The following MOGAT2 variants were observed in gnomAD, a reference collection of about 807,000 sequenced individuals.
MOGAT2 encodes the protein 2-acylglycerol O-acyltransferase 2.
A neutral mutation model predicts 31.5 loss-of-function variants in MOGAT2; 27 were observed. That is an observed-to-expected ratio of 0.86 (90% confidence interval 0.63 to 1.18). The LOEUF is 1.18. Ranked by LOEUF, MOGAT2 falls within the 50% of genes most tolerant of loss-of-function variation. The pLI, the probability that MOGAT2 is intolerant of heterozygous loss-of-function variation, is 0.00. For synonymous variants in MOGAT2, 163 were observed against 170.0 expected (o/e 0.96, Z 0.32); for missense variants, 436 against 433.2 (o/e 1.01, Z -0.06).
At position 75,728,895 on chromosome 11, in the gene MOGAT2, G is replaced by A. The variant is rs1311123983; in HGVS notation, c.756G>A (p.Lys252=). Residue 252 remains lysine (K), a synonymous_variant, in exon 5 of 6, where the codon AAG becomes AAA. Coordinates refer to ENST00000198801, the MANE Select transcript of MOGAT2 (RefSeq NM_025098.4). ...GCTATATCCAGAATCGGTTGCAGAAGATCATGGGCATCTCCCTCCCACTCT... is the reference window on the plus strand; with the variant it reads ...GCTATATCCAGAATCGGTTGCAGAAAATCATGGGCATCTCCCTCCCACTCT... ...WLRYIQNRLQ[K]IMGISLPLFH... is the part of the protein sequence containing the mutation. 2 of 1,614,212 alleles carry A rather than the reference G, an allele frequency of 1.2e-6. No individual in the cohort carries two copies. The highest frequency in any genetic ancestry group is 1.7e-6 in the Non-Finnish European group (2 of 1,180,040).
chr11:75,722,475 TC>T (rs1272740656), intron 2 of MOGAT2, among the ~76,000 whole-genome samples: 1 of 151,964 alleles, frequency 6.6e-6, no homozygotes, highest in African/African-American at 2.4e-5. Flanking sequence ...TTGAGCTGAA[TC>T]CCAAGCTCAC....
At chr11:75,729,746 T>TG (rs1475317483) in intron 5 of MOGAT2, among the ~76,000 whole-genome samples, 4 of 138,552 alleles carry the variant, frequency 2.9e-5, no homozygotes, top group Non-Finnish European at 4.6e-5. Flanking sequence ...AATTCTTTTT[T>TG]TTTTTTGTTT....
At chr11:75,723,436 A>G (rs1278562171) in intron 2 of MOGAT2, among the ~76,000 whole-genome samples, 2 of 151,880 alleles carry the variant, frequency 1.3e-5, no homozygotes, top group African/African-American at 4.8e-5. Flanking sequence ...CGCTCTTTCC[A>G]TAGACCCTCC....
chr11:75,722,873 T>C (rs996542317), intron 2 of MOGAT2, among the ~76,000 whole-genome samples: 10 of 152,386 alleles, frequency 6.6e-5, no homozygotes, highest in East Asian at 3.8e-4. Context: ...GAGGAGGATA[T>C]CTCAACCTTA....
chr11:75,721,505 A>T lies in MOGAT2; in HGVS notation c.270+1335A>T, dbSNP rs1944376295. Among the ~76,000 whole-genome samples, 3 of 151,846 alleles carry T rather than the reference A, an allele frequency of 2.0e-5. No individual in the cohort carries two copies. In the South Asian group the frequency reaches 6.3e-4, roughly 32 times the overall value. On this transcript the variant is annotated intron_variant, in intron 2 of 5. Coordinates refer to ENST00000198801, the MANE Select transcript of MOGAT2 (RefSeq NM_025098.4). The stretch of plus-strand genomic sequence containing the variant: ...TCCATGTTGGTCAGGCTGGTCTCGA[A>T]CTCCCGACCTTAGGTGATCTGCCCA...
chr11:75,719,159 T>C (rs1042576205), intron 1 of MOGAT2, among the ~76,000 whole-genome samples: 1 of 152,156 alleles, frequency 6.6e-6, no homozygotes, highest in Non-Finnish European at 1.5e-5. Flanking sequence ...ATACCCCCTT[T>C]GCACAGATGA....
chr11:75,728,024 G>A lies in MOGAT2; in HGVS notation c.530G>A (p.Gly177Asp), dbSNP rs1203921594. 7 of 1,613,868 alleles carry A rather than the reference G, an allele frequency of 4.3e-6. No individual in the cohort carries two copies. Among genetic ancestry groups the A allele is most frequent in the African/African-American group, 1.3e-5 (1 of 74,906 alleles). Residue 177 changes from glycine (G) to aspartate (D), a missense_variant, in exon 4 of 6, where the codon GGC becomes GAC. Coordinates refer to ENST00000198801, the MANE Select transcript of MOGAT2 (RefSeq NM_025098.4). ...GCTCACATTCTGAACAGGAAGGGTG[G>A]CGGAAACTTGCTGGGCATCATTGTA... ...SAAHILNRKG[G>D]GNLLGIIVGG... is the part of the protein sequence containing the mutation.
Position 75,719,896 on chromosome 11 carries a change from G to A in MOGAT2, c.92-96G>A, listed in dbSNP as rs917336055. 4 of 1,243,992 alleles carry A rather than the reference G, an allele frequency of 3.2e-6. No individual in the cohort carries two copies. The Admixed American group carries it at 7.3e-5, about 23-fold the overall frequency. 77.1% of individuals were successfully genotyped at this position (1,243,992 alleles called of 1,614,324 possible). A position where few individuals can be genotyped will look rare whatever the true frequency, so the allele number is the denominator to read the frequency against. On this transcript the variant is annotated intron_variant, in intron 1 of 5. Coordinates refer to ENST00000198801, the MANE Select transcript of MOGAT2 (RefSeq NM_025098.4). Reference sequence around the variant, plus strand: ...CCCGAGGATTGGACAGGACAGTGCTGCTAGTGCCAGGCCTATGGGCAGAGT... The same window carrying A: ...CCCGAGGATTGGACAGGACAGTGCTACTAGTGCCAGGCCTATGGGCAGAGT...
intron 4 of MOGAT2, chr11:75,728,497 AT>A: frequency 1.8e-6 from 1 of 550,734 alleles, no homozygotes; most frequent in Non-Finnish European, 3.2e-6. Flanking sequence ...GGTGGGAGAT[AT>A]TTTTCTAGGA....
In MOGAT2 at chr11:75,717,925, C is replaced by T. The variant is rs759176567; in HGVS notation, c.37C>T (p.Arg13Cys). Residue 13 changes from arginine (R) to cysteine (C), a missense_variant, in exon 1 of 6, where the codon CGC becomes TGC. By Grantham distance (180) the Arg-to-Cys change is radical. Transcript: ENST00000198801. The part of the protein sequence containing the change: ...EFAPLFMPWE[R>C]RLQTLAVLQF... ...CGCGCCCTTGTTTATGCCGTGGGAG[C>T]GCAGGCTGCAGACACTTGCTGTCCT... 5.8e-5 allele frequency: 93 copies of T among 1,614,078 alleles called. No homozygotes were observed. In the East Asian group the frequency reaches 8.2e-4, roughly 14 times the overall value.
At chr11:75,723,130 T>C (rs1314018435) in intron 2 of MOGAT2, among the ~76,000 whole-genome samples, 1 of 151,734 alleles carries the variant, frequency 6.6e-6, no homozygotes, top group South Asian at 2.1e-4. Flanking sequence ...CCCGGCTGAT[T>C]TGTATTTTTT....
chr11:75,728,194 G>A lies in MOGAT2; in HGVS notation c.650+50G>A, dbSNP rs773708316. On this transcript the variant is annotated intron_variant, in intron 4 of 5. Coordinates refer to ENST00000198801, the MANE Select transcript of MOGAT2 (RefSeq NM_025098.4). Reference sequence around the variant, plus strand: ...TCTGGGTTCAGTTGGCAATTGGCAAGGATTTTATTTTGGTGGGAAGATGGC... The same window carrying A: ...TCTGGGTTCAGTTGGCAATTGGCAAAGATTTTATTTTGGTGGGAAGATGGC... 6.4e-5 allele frequency: 100 copies of A among 1,572,888 alleles called. No individual in the cohort carries two copies. The African/African-American group carries it at 1.2e-3, about 18-fold the overall frequency.
At chr11:75,719,776 A>G (rs1944360177) in intron 1 of MOGAT2, 1 of 549,836 alleles carries the variant, frequency 1.8e-6, no homozygotes, top group East Asian at 2.9e-5. Flanking sequence ...CCTAGGCTCA[A>G]CGCGTGCTCC....
chr11:75,730,599 C>T (rs910871716), intron 5 of MOGAT2, among the ~76,000 whole-genome samples: 2 of 152,148 alleles, frequency 1.3e-5, no homozygotes, highest in African/African-American at 2.4e-5. Context: ...GCACCTAGTG[C>T]ATTGCCTGAC....
At chr11:75,722,811 C>T (rs570605269) in intron 2 of MOGAT2, among the ~76,000 whole-genome samples, 36 of 152,372 alleles carry the variant, frequency 2.4e-4, no homozygotes, top group African/African-American at 8.7e-4. Context: ...AGCTCTGCGC[C>T]TACCCTATCA....
At position 75,732,255 on chromosome 11, in the gene MOGAT2, A is replaced by T. The variant is rs73502500; in HGVS notation, c.*969A>T. On this transcript the variant is annotated 3_prime_UTR_variant, in exon 6 of 6. Transcript: ENST00000198801. ...GGCCATTGCTGGTCAAGGGGCACGA[A>T]CAGGTCTGGTGACCCTGCAAGGGAG... The T allele has an allele frequency of 6.6e-6, 1 of 152,242 alleles. No individual in the cohort carries two copies. Among genetic ancestry groups the T allele is most frequent in the Admixed American group, 6.5e-5 (1 of 15,280 alleles). 9.4% of individuals were successfully genotyped at this position (152,242 alleles called of 1,614,324 possible).
rs1944495068 is a variant in MOGAT2, at chr11:75,732,832, G to A, written c.*1546G>A. 1 of 152,204 alleles carries A rather than the reference G, an allele frequency of 6.6e-6. No individual in the cohort carries two copies. Among genetic ancestry groups the A allele is most frequent in the Non-Finnish European group, 1.5e-5 (1 of 68,094 alleles). The allele number at this position is 152,204 out of a possible 1,614,324, so 9.4% of individuals were successfully genotyped here. A position where few individuals can be genotyped will look rare whatever the true frequency, so the allele number is the denominator to read the frequency against. ...TCCACCACAGCCCTTAGCACCCTGG[G>A]GAGGAGGTGTTGCTGTCCAGGTAAA... is the stretch of plus-strand genomic sequence containing the variant. On this transcript the variant is annotated 3_prime_UTR_variant, in exon 6 of 6. Transcript: ENST00000198801.
At position 75,727,950 on chromosome 11, in the gene MOGAT2, C is replaced by T. The variant is rs1197035718; in HGVS notation, c.476-20C>T. The T allele has an allele frequency of 5.0e-6, 8 of 1,585,068 alleles. No homozygotes were observed. In the African/African-American group the frequency reaches 6.8e-5, roughly 13 times the overall value. On this transcript the variant is annotated intron_variant, in intron 3 of 5. Transcript: ENST00000198801. ...CCTGCTCCCTCACCCCATACCTGAC[C>T]CACTTTTCTCTTTCCCTAGGGTTGG...
At chr11:75,727,349 G>GA (rs1944429716) in intron 2 of MOGAT2, 86 bp from the exon 3 acceptor site, 13 of 1,317,336 alleles carry the variant, frequency 9.9e-6, no homozygotes, top group Middle Eastern at 2.6e-4. Context: ...TCAGAGGGGA[G>GA]GTTTCCCAAG....
Sources: allele counts gnomAD v4.1 joint callset (sites outside exome capture counted in the v4.1 genomes callset), GRCh38; gene constraint gnomAD v4.1.1; transcripts MANE v1.5; gene names NCBI Gene and HGNC (gene_info 2026-07-23, HGNC 2026-07-21).